Variants in GATD1 observed in about 807,000 individuals in gnomAD.
The protein encoded by GATD1 is glutamine amidotransferase class 1 domain containing 1, also known as glutamine amidotransferase-like class 1 domain-containing protein 1.
Under a neutral mutation model 25.9 loss-of-function variants are expected in GATD1, and 23 were observed. The ratio of observed to expected loss-of-function variants is 0.89; its 90% CI spans 0.64 to 1.26. The LOEUF (loss-of-function observed/expected upper bound fraction) is 1.26, where lower values mean the gene tolerates loss of function less well. Ranked by LOEUF, GATD1 falls within the 50% of genes most tolerant of loss-of-function variation. The pLI is 0.00. For missense variants in GATD1, 347 were observed against 312.5 expected, an observed-to-expected ratio of 1.11 and a Z score of -0.83; for synonymous variants, 177 against 134.6, an observed-to-expected ratio of 1.31 and a Z score of -2.18.
At chr11:773,037 C>A (rs574008679) in intron 4 of GATD1, among the ~76,000 whole-genome samples, 11 of 152,342 alleles carry the variant, frequency 7.2e-5, no homozygotes, top group Admixed American at 4.6e-4. Context: ...CCTGTCCAGG[C>A]CATGCTGGGG....
At chr11:774,638 C>G (rs1863783281) in intron 2 of GATD1, among the ~76,000 whole-genome samples, 1 of 152,222 alleles carries the variant, frequency 6.6e-6, no homozygotes, top group South Asian at 2.1e-4. Context: ...CGAGACCATC[C>G]TGGCCAACAC....
At position 775,156 on chromosome 11, in the gene GATD1, C is replaced by T; in HGVS notation, c.65-14G>A. ...GGGCCGACACACCTGCAGAAGGTCC[C>T]AGTGAGTGTGGGCTCGACAGGACTA... is the stretch of plus-strand genomic sequence containing the variant. On this transcript the variant is annotated splice_polypyrimidine_tract_variant and intron_variant, in intron 1 of 7. Transcript: ENST00000319863. 3 of 1,592,876 alleles carry T rather than the reference C, an allele frequency of 1.9e-6. No individual in the cohort carries two copies. Among genetic ancestry groups the T allele is most frequent in the Non-Finnish European group, 2.6e-6 (3 of 1,170,876 alleles).
In GATD1 at chr11:773,512, G is replaced by T; in HGVS notation, c.355+10C>A. On this transcript the variant is annotated intron_variant, in intron 4 of 7. Transcript: ENST00000319863. ...TCCAACCCCTCCCCTGGGTCCCAGG[G>T]GTCACCTACTGCTCTCAGAGTGGAA... 6.2e-7 allele frequency: 1 copy of T among 1,605,760 alleles called. No individual in the cohort carries two copies. Among genetic ancestry groups the T allele is most frequent in the Non-Finnish European group, 8.5e-7 (1 of 1,175,374 alleles).
At position 773,398 on chromosome 11, in the gene GATD1, G is replaced by A. The variant is rs558076877; in HGVS notation, c.355+124C>T. On this transcript the variant is annotated intron_variant, in intron 4 of 7. Transcript: ENST00000319863. ...CCTCCTGCCCACAACCACTGCAGTG[G>A]CCACTGACCAGAGATCCAGAAACGC... The A allele has an allele frequency of 4.5e-5, 35 of 779,472 alleles. No individual in the cohort carries two copies. The Admixed American group carries it at 4.7e-4, about 10-fold the overall frequency. 48.3% of individuals were successfully genotyped at this position (779,472 alleles called of 1,614,324 possible).
chr11:775,976 CTTTTTTTTTTT>C (rs71022972), intron 1 of GATD1, among the ~76,000 whole-genome samples: 50 of 72,288 alleles, frequency 6.9e-4, no homozygotes, highest in Admixed American at 2.9e-3. Context: ...TATCTTCATT[CTTTTTTTTTTT>C]TTTTTTTTTT....
Position 770,028 on chromosome 11 carries a change from G to C in GATD1, c.*869C>G. Reference sequence around the variant, plus strand: ...GAGACGGGGAGGTGGGCAGGAAGAAGGCCTTCGATGGCTCAAACTGGGGAA... The same window carrying C: ...GAGACGGGGAGGTGGGCAGGAAGAACGCCTTCGATGGCTCAAACTGGGGAA... On this transcript the variant is annotated 3_prime_UTR_variant, in exon 8 of 8. Transcript: ENST00000319863. 1 of 1,103,048 alleles carries C rather than the reference G, an allele frequency of 9.1e-7. No homozygotes were observed. The highest frequency in any genetic ancestry group is 1.1e-6 in the Non-Finnish European group (1 of 906,566). 68.3% of individuals were successfully genotyped at this position (1,103,048 alleles called of 1,614,324 possible). A position where few individuals can be genotyped will look rare whatever the true frequency, so the allele number is the denominator to read the frequency against.
chr11:771,739 G>A (rs541084438), intron 5 of GATD1, among the ~76,000 whole-genome samples: 3 of 152,138 alleles, frequency 2.0e-5, no homozygotes, highest in African/African-American at 7.2e-5. Context: ...GAGTGCTGGG[G>A]CGGGGCACCC....
rs747408630 is a variant in GATD1 at position 773,607 on chromosome 11, C to T, written c.270G>A (p.Leu90=). 1.4e-5 allele frequency: 22 copies of T among 1,608,710 alleles called. No individual in the cohort carries two copies. The South Asian group carries it at 2.4e-4, about 18-fold the overall frequency. The change falls in exon 4 of 8, where the codon CTG becomes CTA. Residue 90 remains leucine, a synonymous_variant. Transcript: ENST00000319863. ...SIDGARYHAL[L]IPSCPGALTD... is the part of the protein sequence containing the mutation. Reference sequence around the variant, plus strand: ...TCAGGGCCCCAGGACAGCTGGGGATCAGGAGGGCATGGTACCGGGCACCTG... The same window carrying T: ...TCAGGGCCCCAGGACAGCTGGGGATTAGGAGGGCATGGTACCGGGCACCTG...
intron 1 of GATD1, chr11:776,550 G>A (rs780098771): frequency 1.3e-5 from 2 of 152,080 alleles, no homozygotes; most frequent in African/African-American, 4.8e-5. Context: ...GCAGTCTGGG[G>A]GCATCACTCA....
chr11:773,020 A>C (rs1262716677), intron 4 of GATD1, among the ~76,000 whole-genome samples: 1 of 152,200 alleles, frequency 6.6e-6, no homozygotes, highest in Non-Finnish European at 1.5e-5. Context: ...GCCACAAACA[A>C]TTGCTGCCTG....
chr11:771,460 C>A, intron 5 of GATD1, 34 bp from the exon 6 acceptor site: 1 of 1,503,680 alleles, frequency 6.7e-7, no homozygotes, highest in Non-Finnish European at 8.8e-7. Flanking sequence ...CTGAGACAGG[C>A]CCAGGCCCTG....
At position 767,664 on chromosome 11, in the gene GATD1, T is replaced by A. The variant is rs2133592431; in HGVS notation, c.*3233A>T. On this transcript the variant is annotated 3_prime_UTR_variant, in exon 8 of 8. Coordinates refer to ENST00000319863, the MANE Select transcript of GATD1 (RefSeq NM_182612.4). ...AAACCCACCTGCTTAAGTCCTCACC[T>A]GCAAGGGGATGGTATTAGGTGGGGC... The A allele has an allele frequency of 1.6e-6, 2 of 1,236,624 alleles. No homozygotes were observed. The highest frequency in any genetic ancestry group is 3.8e-5 in the East Asian group (1 of 26,142). 76.6% of individuals were successfully genotyped at this position (1,236,624 alleles called of 1,614,324 possible). A position where few individuals can be genotyped will look rare whatever the true frequency, so the allele number is the denominator to read the frequency against.
In GATD1 at chr11:774,029, C is replaced by A. The variant is rs142000769; in HGVS notation, c.226G>T (p.Ala76Ser). 2.5e-6 allele frequency: 4 copies of A among 1,613,536 alleles called. No homozygotes were observed. Among genetic ancestry groups the A allele is most frequent in the Non-Finnish European group, 3.4e-6 (4 of 1,179,966 alleles). Residue 76 changes from alanine (A) to serine (S), a missense_variant, in exon 3 of 8, where the codon GCC becomes TCC. Ala to Ser is a moderately conservative substitution (Grantham distance 99, BLOSUM62 1). Transcript: ENST00000319863. ...DFRLKAYASPAKLESIDGARY... is the reference protein window; with the variant it reads ...DFRLKAYASPSKLESIDGARY... ...CTACCATCGATGGACTCGAGCTTGGCGGGGCTGGCGTAAGCCTTGAGGCGG... is the reference window on the plus strand; with the variant it reads ...CTACCATCGATGGACTCGAGCTTGGAGGGGCTGGCGTAAGCCTTGAGGCGG...
At position 771,349 on chromosome 11, in the gene GATD1, C is replaced by G. The variant is rs145460105; in HGVS notation, c.528G>C (p.Ser176=). ...PLVVEDFVKD[S]GACFSASEPD... ...GAGGCTCACCACTGAAGCAGGCGCC[C>G]GAATCCTTCACGAAGTCCTCCACCA... Residue 176 remains serine (S), a synonymous_variant, in exon 6 of 8, where the codon TCG becomes TCC. Transcript: ENST00000319863. 9.3e-5 allele frequency: 149 copies of G among 1,597,816 alleles called. No homozygotes were observed. In the African/African-American group the frequency reaches 1.8e-3, roughly 19 times the overall value.
At chr11:773,487 T>C (rs1863650438) in intron 4 of GATD1, 35 bp downstream of exon 4, 2 of 1,551,028 alleles carry the variant, frequency 1.3e-6, no homozygotes, top group Admixed American at 3.5e-5. Flanking sequence ...ACACTGCACA[T>C]CCAACCCCTC....
At position 770,644 on chromosome 11, in the gene GATD1, C is replaced by T. The variant is rs1863344968; in HGVS notation, c.*253G>A. 4.2e-6 allele frequency: 6 copies of T among 1,420,388 alleles called. No individual in the cohort carries two copies. Among genetic ancestry groups the T allele is most frequent in the Non-Finnish European group, 5.5e-6 (6 of 1,091,294 alleles). 88.0% of individuals were successfully genotyped at this position (1,420,388 alleles called of 1,614,324 possible). A position where few individuals can be genotyped will look rare whatever the true frequency, so the allele number is the denominator to read the frequency against. On this transcript the variant is annotated 3_prime_UTR_variant, in exon 8 of 8. Coordinates refer to ENST00000319863, the MANE Select transcript of GATD1 (RefSeq NM_182612.4). ...GGACCACCTAGCAGCTAGCACAGCT[C>T]TCCAGGCACGTGGGGTCTTTTCTCT...
In GATD1 at chr11:777,463, G is replaced by A. The variant is rs1371967119; in HGVS notation, c.-1C>T. On this transcript the variant is annotated 5_prime_UTR_variant, in exon 1 of 8. Coordinates refer to ENST00000319863, the MANE Select transcript of GATD1 (RefSeq NM_182612.4). ...TGTTAGGGAGCCGCTCGGACGCCAT[G>A]GCTCGGGCTCGGCGCTGGGTCTGCG... 1.9e-5 allele frequency: 24 copies of A among 1,235,510 alleles called. No homozygotes were observed. The East Asian group carries it at 8.3e-4, about 43-fold the overall frequency. 76.5% of individuals were successfully genotyped at this position (1,235,510 alleles called of 1,614,324 possible).
In GATD1 at chr11:771,040, G is replaced by C; in HGVS notation, c.609C>G (p.Ser203Arg). ...GGTTCTGCACGGCCGGGACAGTGGAGCTGGCATTCTGGCCTGTGACCAGGT... is the reference window on the plus strand; with the variant it reads ...GGTTCTGCACGGCCGGGACAGTGGACCTGGCATTCTGGCCTGTGACCAGGT... ...DRHLVTGQNA[S>R]STVPAVQNLL... Residue 203 changes from serine (S) to arginine (R), a missense_variant, in exon 7 of 8, where the codon AGC becomes AGG. By Grantham distance (110) the Ser-to-Arg change is moderately radical. Coordinates refer to ENST00000319863, the MANE Select transcript of GATD1 (RefSeq NM_182612.4). 1 of 1,612,708 alleles carries C rather than the reference G, an allele frequency of 6.2e-7. No individual in the cohort carries two copies. Among genetic ancestry groups the C allele is most frequent in the Non-Finnish European group, 8.5e-7 (1 of 1,179,886 alleles).
At chr11:772,568 C>T in intron 4 of GATD1, 47 bp from the exon 5 acceptor site, 1 of 1,539,876 alleles carries the variant, frequency 6.5e-7, no homozygotes, top group Non-Finnish European at 8.9e-7. Context: ...GCCACCCGCA[C>T]CCTGAAGCCC....
Sources: allele counts gnomAD v4.1 joint callset (sites outside exome capture counted in the v4.1 genomes callset), GRCh38; gene constraint gnomAD v4.1.1; transcripts MANE v1.5; gene names NCBI Gene and HGNC (gene_info 2026-07-23, HGNC 2026-07-21).